Variants in ST6GALNAC3 observed in about 807,000 individuals in gnomAD.
ST6GALNAC3 encodes the protein alpha-N-acetylgalactosaminide alpha-2,6-sialyltransferase 3.
ST6GALNAC3 carries 25 observed loss-of-function variants against 32.7 expected under a neutral mutation model. The observed-to-expected ratio is 0.76, with a 90% CI of 0.56 to 1.07. The LOEUF is 1.07. Ranked by LOEUF, ST6GALNAC3 falls within the 50% of genes least tolerant of loss-of-function variation. ST6GALNAC3 has a pLI of 0.00. For missense variants in ST6GALNAC3, 355 were observed against 382.4 expected, an observed-to-expected ratio of 0.93 and a Z score of 0.60; for synonymous variants, 129 against 133.1, an observed-to-expected ratio of 0.97 and a Z score of 0.21.
rs1003199718 is a variant in ST6GALNAC3 at position 76,341,776 on chromosome 1, G to A, written c.213+27777G>A. On this transcript the variant is annotated intron_variant, in intron 2 of 4. Transcript: ENST00000328299. The stretch of plus-strand genomic sequence containing the variant: ...ACAGAATGTGCAGGTTTGTTACATA[G>A]GTATACATGGGCCATGATGGTTTGC... 8.0e-5 allele frequency among the ~76,000 whole-genome samples: 12 copies of A among 150,352 alleles called. 1 individual carries two copies. In the Admixed American group the frequency reaches 8.0e-4, roughly 10 times the overall value.
At chr1:76,418,253 A>G (rs1654781454) in intron 3 of ST6GALNAC3, among the ~76,000 whole-genome samples, 1 of 152,142 alleles carries the variant, frequency 6.6e-6, no homozygotes, top group African/African-American at 2.4e-5. Flanking sequence ...TCAGGTTTGC[A>G]AACCTTTAGT....
chr1:76,574,803 G>A (rs1001336447), intron 3 of ST6GALNAC3, among the ~76,000 whole-genome samples: 1 of 152,086 alleles, frequency 6.6e-6, no homozygotes, highest in Non-Finnish European at 1.5e-5. Context: ...AGCACCAGTA[G>A]CATGTGGAAG....
At chr1:76,264,540 G>C (rs780405172) in intron 1 of ST6GALNAC3, among the ~76,000 whole-genome samples, 1 of 152,008 alleles carries the variant, frequency 6.6e-6, no homozygotes, top group Non-Finnish European at 1.5e-5. Flanking sequence ...TGAGGTGCTC[G>C]GCGTACCTTG....
At chr1:76,478,969 T>A (rs1480086534) in intron 3 of ST6GALNAC3, among the ~76,000 whole-genome samples, 13 of 152,010 alleles carry the variant, frequency 8.6e-5, no homozygotes, top group East Asian at 3.9e-4. Context: ...TTCACTGTGT[T>A]AGACAGGATG....
chr1:76,157,728 T>C (rs1279101704), intron 1 of ST6GALNAC3, among the ~76,000 whole-genome samples: 2 of 152,160 alleles, frequency 1.3e-5, no homozygotes, highest in Non-Finnish European at 2.9e-5. Flanking sequence ...ATGCATAATA[T>C]TATGTACCCA....
At chr1:76,152,746 A>T (rs1261880568) in intron 1 of ST6GALNAC3, among the ~76,000 whole-genome samples, 3 of 152,120 alleles carry the variant, frequency 2.0e-5, no homozygotes, top group African/African-American at 7.3e-5. Context: ...TGAAAACACC[A>T]TTTTGACCGT....
At chr1:76,272,193 G>A (rs1326348963) in intron 1 of ST6GALNAC3, among the ~76,000 whole-genome samples, 1 of 151,782 alleles carries the variant, frequency 6.6e-6, no homozygotes, top group Non-Finnish European at 1.5e-5. Context: ...GGGTGTGGTG[G>A]TGGGCGCCTG....
At position 76,412,233 on chromosome 1, in the gene ST6GALNAC3, G is replaced by A. The variant is rs751972956; in HGVS notation, c.439G>A (p.Ala147Thr). 1.9e-6 allele frequency: 3 copies of A among 1,613,616 alleles called. No individual in the cohort carries two copies. The highest frequency in any genetic ancestry group is 2.2e-5 in the South Asian group (2 of 91,068). Residue 147 changes from alanine (A) to threonine (T), a missense_variant, in exon 3 of 5, where the codon GCG (alanine) becomes ACG (threonine). Coordinates refer to ENST00000328299, the MANE Select transcript of ST6GALNAC3 (RefSeq NM_152996.4). ...LKNPDYFFKE[A>T]NTTIYVIWGP... Reference sequence around the variant, plus strand: ...AAACCCTGATTATTTTTTCAAGGAAGCGAATACTACTATTTATGTTATTTG... The same window carrying A: ...AAACCCTGATTATTTTTTCAAGGAAACGAATACTACTATTTATGTTATTTG...
chr1:76,289,799 A>G (rs1659975481), intron 1 of ST6GALNAC3, among the ~76,000 whole-genome samples: 1 of 152,200 alleles, frequency 6.6e-6, no homozygotes, highest in Non-Finnish European at 1.5e-5. Context: ...AGGCCATCAC[A>G]TTCACTGCTT....
At chr1:76,605,953 G>A (rs549776349) in intron 3 of ST6GALNAC3, among the ~76,000 whole-genome samples, 3 of 143,934 alleles carry the variant, frequency 2.1e-5, no homozygotes, top group Admixed American at 2.1e-4. Context: ...CAAAAACCAT[G>A]TAAAAAACAG....
In ST6GALNAC3 at chr1:76,143,676, T is replaced by A. The variant is rs150416801; in HGVS notation, c.18+68792T>A. On this transcript the variant is annotated intron_variant, in intron 1 of 4. Transcript: ENST00000328299. ...TACATTACTCTTCAGCCCACGCCCATGCTGACATCAAAAACTTTTGGGAAG... is the reference window on the plus strand; with the variant it reads ...TACATTACTCTTCAGCCCACGCCCAAGCTGACATCAAAAACTTTTGGGAAG... Among the ~76,000 whole-genome samples the A allele has an allele frequency of 9.8e-3, 1,489 of 152,348 alleles. 15 individuals are homozygous for A. The highest frequency in any genetic ancestry group is 0.016 in the Non-Finnish European group (1,118 of 68,036).
rs138366415 is a variant in ST6GALNAC3 at position 76,408,982 on chromosome 1, T to C, written c.214-3026T>C. Among the ~76,000 whole-genome samples the C allele has an allele frequency of 2.1e-3, 318 of 152,250 alleles. 2 individuals are homozygous for C. The highest frequency in any genetic ancestry group is 7.2e-3 in the African/African-American group (301 of 41,558). ...GGAGGACTCAGCTAAGAGTAATGGA[T>C]GTCAGGCTCTGCTGCAAGCCGTCTG... On this transcript the variant is annotated intron_variant, in intron 2 of 4. Coordinates refer to ENST00000328299, the MANE Select transcript of ST6GALNAC3 (RefSeq NM_152996.4).
chr1:76,588,990 G>A (rs1167373278), intron 3 of ST6GALNAC3, among the ~76,000 whole-genome samples: 1 of 152,100 alleles, frequency 6.6e-6, no homozygotes, highest in East Asian at 1.9e-4. Flanking sequence ...AATTTTCTCT[G>A]TTTAAAGCAC....
chr1:76,485,663 CA>C lies in ST6GALNAC3; in HGVS notation c.623+73252del, dbSNP rs1177277625. On this transcript the variant is annotated intron_variant, in intron 3 of 4. Transcript: ENST00000328299. ...GATCTATCAATTTTGTTGATCCTTT[CA>C]AAAAACTAGCTCCTGGATTCATTGA... Among the ~76,000 whole-genome samples, 20 of 152,226 alleles carry C rather than the reference CA, an allele frequency of 1.3e-4. No homozygotes were observed. The South Asian group carries it at 3.3e-3, about 25-fold the overall frequency.
chr1:76,621,860 A>G (rs1317845285), intron 3 of ST6GALNAC3, among the ~76,000 whole-genome samples: 9 of 152,054 alleles, frequency 5.9e-5, no homozygotes, highest in African/African-American at 1.7e-4. Context: ...TGCTGTTTTT[A>G]TTTATCCTGC....
intron 1 of ST6GALNAC3, among the ~76,000 whole-genome samples, chr1:76,305,742 A>G (rs528437166): frequency 2.6e-5 from 4 of 152,196 alleles, no homozygotes; most frequent in South Asian, 4.1e-4. Context: ...ATGAATAATC[A>G]TCATAGTCTT....
intron 3 of ST6GALNAC3, among the ~76,000 whole-genome samples, chr1:76,417,615 G>A (rs1654734888): frequency 6.6e-6 from 1 of 152,164 alleles, no homozygotes; most frequent in African/African-American, 2.4e-5. Flanking sequence ...GAGCCAATGT[G>A]AGATATTCTG....
chr1:76,268,730 T>C (rs1658673578), intron 1 of ST6GALNAC3, among the ~76,000 whole-genome samples: 1 of 152,224 alleles, frequency 6.6e-6, no homozygotes, highest in Non-Finnish European at 1.5e-5. Flanking sequence ...ACCTGATGGC[T>C]GAATGAATTT....
intron 3 of ST6GALNAC3, among the ~76,000 whole-genome samples, chr1:76,468,479 G>A (rs1414501755): frequency 6.6e-6 from 1 of 152,002 alleles, no homozygotes; most frequent in African/African-American, 2.4e-5. Flanking sequence ...AACATATATT[G>A]AAAGAGATTG....
Sources: allele counts gnomAD v4.1 joint callset (sites outside exome capture counted in the v4.1 genomes callset), GRCh38; gene constraint gnomAD v4.1.1; transcripts MANE v1.5; gene names NCBI Gene and HGNC (gene_info 2026-07-23, HGNC 2026-07-21).